DNAI3: variants seen among roughly 807,000 people sequenced by gnomAD.
The protein encoded by DNAI3 is dynein axonemal intermediate chain 3.
Under a neutral mutation model 115.5 loss-of-function variants are expected in DNAI3, and 83 were observed. The observed-to-expected ratio is 0.72, with a 90% CI of 0.60 to 0.86. DNAI3 has a LOEUF of 0.86. Ranked by LOEUF, DNAI3 falls within the 40% of genes least tolerant of loss-of-function variation. The pLI, the probability that DNAI3 is intolerant of heterozygous loss-of-function variation, is 0.00. For missense variants in DNAI3, 1,004 were observed against 1,075.8 expected (o/e 0.93, Z 0.93); for synonymous variants, 320 against 347.0 (o/e 0.92, Z 0.86).
In DNAI3 at chr1:85,128,636, C is replaced by T. The variant is rs1297681978; in HGVS notation, c.2318-72C>T. 6 of 1,295,560 alleles carry T rather than the reference C, an allele frequency of 4.6e-6. No individual in the cohort carries two copies. In the South Asian group the frequency reaches 6.5e-5, roughly 14 times the overall value. 80.3% of individuals were successfully genotyped at this position (1,295,560 alleles called of 1,614,324 possible). A position where few individuals can be genotyped will look rare whatever the true frequency, so the allele number is the denominator to read the frequency against. ...TGGGAGAACACAAAACAAAAACATA[C>T]TTCATGTTTAACTGCTTAAGATGGT... On this transcript the variant is annotated intron_variant, in intron 20 of 22. Coordinates refer to ENST00000294664, the MANE Select transcript of DNAI3 (RefSeq NM_145172.5).
At chr1:85,118,821 GGCT>G (rs890806340) in intron 17 of DNAI3, among the ~76,000 whole-genome samples, 33 of 152,160 alleles carry the variant, frequency 2.2e-4, no homozygotes, top group Admixed American at 2.0e-3. Flanking sequence ...GTGACCCACA[GGCT>G]GCTTGGATGT....
At position 85,096,056 on chromosome 1, in the gene DNAI3, G is replaced by A. The variant is rs191485726; in HGVS notation, c.1263+36G>A. The A allele has an allele frequency of 1.4e-4, 218 of 1,583,308 alleles. 2 individuals are homozygous for A. In the African/African-American group the frequency reaches 2.6e-3, roughly 19 times the overall value. On this transcript the variant is annotated intron_variant, in intron 11 of 22. Transcript: ENST00000294664. ...GAATTTTTTTCAGCTATGTATTAAT[G>A]TAGACAACCTTTGGTAATAAGTTTT... is the stretch of plus-strand genomic sequence containing the variant.
chr1:85,097,401 C>CT lies in DNAI3; in HGVS notation c.1264-163dup, dbSNP rs534451415. On this transcript the variant is annotated intron_variant, in intron 11 of 22. Transcript: ENST00000294664. ...ATACTTTTACAGAGAAGAAAACATTCTTTTTATATTAGCTTTAAAAATTGC... is the reference window on the plus strand; with the variant it reads ...ATACTTTTACAGAGAAGAAAACATTCTTTTTTATATTAGCTTTAAAAATTGC... Among the ~76,000 whole-genome samples the CT allele has an allele frequency of 2.7e-3, 406 of 152,260 alleles. 1 individual carries two copies. Among genetic ancestry groups the CT allele is most frequent in the African/African-American group, 9.2e-3 (382 of 41,572 alleles).
intron 8 of DNAI3, 98 bp from the exon 9 acceptor site, chr1:85,093,360 G>T: frequency 1.9e-6 from 2 of 1,048,446 alleles, no homozygotes; most frequent in Non-Finnish European, 2.8e-6. Context: ...ATTATTTTTT[G>T]TTCAGTATAA....
chr1:85,129,005 C>G (rs1310091565), intron 21 of DNAI3, among the ~76,000 whole-genome samples: 1 of 152,086 alleles, frequency 6.6e-6, no homozygotes, highest in Non-Finnish European at 1.5e-5. Context: ...GGGAGGGAAA[C>G]CAAGTCAATG....
Position 85,108,100 on chromosome 1 carries a change from G to T in DNAI3, c.1621G>T (p.Glu541Ter). 1 of 1,610,196 alleles carries T rather than the reference G, an allele frequency of 6.2e-7. No homozygotes were observed. The highest frequency in any genetic ancestry group is 8.5e-7 in the Non-Finnish European group (1 of 1,178,290). The change falls in exon 15 of 23, where the codon GAG becomes TAG. Residue 541 changes from glutamate to a stop codon, truncating the protein, a stop_gained. Coordinates refer to ENST00000294664, the MANE Select transcript of DNAI3 (RefSeq NM_145172.5). LOFTEE classifies it high-confidence loss of function. ...LTPQTTEKKK[E>*]ESIEIPFDVP... The stretch of plus-strand genomic sequence containing the variant: ...CCCCCAAACAACAGAGAAAAAGAAG[G>T]AGGAAAGTATTGAAATTCCTTTTGA...
intron 2 of DNAI3, among the ~76,000 whole-genome samples, chr1:85,072,502 C>A (rs1189228430): frequency 6.6e-6 from 1 of 150,560 alleles, no homozygotes; most frequent in East Asian, 2.0e-4. Flanking sequence ...ATTAGCCAGG[C>A]GTGGTGGCAC....
At chr1:85,099,325 A>T (rs1381128435) in intron 13 of DNAI3, 2 of 969,740 alleles carry the variant, frequency 2.1e-6, no homozygotes, top group Non-Finnish European at 2.5e-6. Context: ...CAAGCATTCT[A>T]TACACCAATA....
chr1:85,063,936 C>CT (rs1378802313), intron 1 of DNAI3, among the ~76,000 whole-genome samples: 5 of 151,934 alleles, frequency 3.3e-5, no homozygotes, highest in African/African-American at 1.2e-4. Context: ...AGGCCTGTGA[C>CT]TTTGTTAGTA....
intron 1 of DNAI3, among the ~76,000 whole-genome samples, chr1:85,063,434 A>C (rs76186269): frequency 0.042 from 6,359 of 152,188 alleles, 160 homozygotes; most frequent in Middle Eastern, 0.065. Context: ...ATAGAACTGG[A>C]AAGGTTGACG....
At chr1:85,116,556 T>C (rs779291838) in intron 16 of DNAI3, among the ~76,000 whole-genome samples, 4 of 152,220 alleles carry the variant, frequency 2.6e-5, no homozygotes, top group Admixed American at 2.0e-4. Context: ...GTGTACATGA[T>C]TTAAAAAGAG....
intron 1 of DNAI3, among the ~76,000 whole-genome samples, chr1:85,065,308 A>C (rs1654061840): frequency 1.3e-5 from 2 of 152,190 alleles, no homozygotes. Flanking sequence ...CTATCAACCT[A>C]GATAGCAAGC....
chr1:85,115,310 C>G (rs1448992846), intron 16 of DNAI3, among the ~76,000 whole-genome samples: 1 of 152,214 alleles, frequency 6.6e-6, no homozygotes, highest in African/African-American at 2.4e-5. Flanking sequence ...ATGTTAACTA[C>G]CATGTGTGAG....
chr1:85,074,452 G>A (rs1485918704), intron 3 of DNAI3, among the ~76,000 whole-genome samples: 1 of 152,094 alleles, frequency 6.6e-6, no homozygotes, highest in Non-Finnish European at 1.5e-5. Context: ...AGCACAGAAT[G>A]TTCCAAATTT....
intron 8 of DNAI3, 95 bp from the exon 9 acceptor site, chr1:85,093,363 C>T (rs1655036176): frequency 1.9e-6 from 2 of 1,072,790 alleles, no homozygotes; most frequent in African/African-American, 1.6e-5. Flanking sequence ...ATTTTTTGTT[C>T]AGTATAAATG....
At chr1:85,102,384 T>G (rs749819341) in intron 13 of DNAI3, among the ~76,000 whole-genome samples, 1 of 151,840 alleles carries the variant, frequency 6.6e-6, no homozygotes, top group Non-Finnish European at 1.5e-5. Context: ...AATAACAAAA[T>G]GGAGGAAAAT....
chr1:85,106,778 T>C (rs1655501367), intron 14 of DNAI3, among the ~76,000 whole-genome samples: 1 of 152,184 alleles, frequency 6.6e-6, no homozygotes, highest in Non-Finnish European at 1.5e-5. Context: ...GACAATTCAA[T>C]GGATAAAGAA....
At chr1:85,093,904 A>G in intron 9 of DNAI3, 1 of 592,342 alleles carries the variant, frequency 1.7e-6, no homozygotes, top group East Asian at 3.8e-5. Context: ...TGACTCGCCC[A>G]GGTCACCCAG....
At position 85,073,003 on chromosome 1, in the gene DNAI3, G is replaced by C. The variant is rs760068163; in HGVS notation, c.65-51G>C. On this transcript the variant is annotated intron_variant, in intron 2 of 22. Coordinates refer to ENST00000294664, the MANE Select transcript of DNAI3 (RefSeq NM_145172.5). The stretch of plus-strand genomic sequence containing the variant: ...GAAATAAAAGATTATAATAAATTGA[G>C]ATGTATTTGATTCAAAAATGTAAAT... 1.2e-5 allele frequency: 11 copies of C among 949,954 alleles called. No homozygotes were observed. The East Asian group carries it at 3.1e-4, about 26-fold the overall frequency. The allele number at this position is 949,954 out of a possible 1,614,324, so 58.8% of individuals were successfully genotyped here.
Sources: gnomAD v4.1 joint callset for allele counts (sites outside exome capture counted in the v4.1 genomes callset) on GRCh38, gnomAD v4.1.1 for gene constraint, MANE v1.5 for transcripts, NCBI Gene and HGNC (gene_info 2026-07-23, HGNC 2026-07-21) for gene names.